RELL1: variants seen among roughly 807,000 people sequenced by gnomAD.
The protein encoded by RELL1 is RELT like 1.
RELL1 carries 10 observed loss-of-function variants against 23.0 expected under a neutral mutation model. The observed-to-expected ratio is 0.43, with a 90% confidence interval of 0.27 to 0.74. The LOEUF is 0.74. Among genes scored for constraint, RELL1 ranks in the 30% least tolerant of loss-of-function variants. RELL1 has a pLI of 0.19. For missense variants in RELL1, 315 were observed against 364.4 expected (o/e 0.86, Z 1.10); for synonymous variants, 146 against 146.8 (o/e 0.99, Z 0.04).
At chr4:37,622,798 G>A in intron 6 of RELL1, 2 of 418,316 alleles carry the variant, frequency 4.8e-6, no homozygotes, top group East Asian at 1.4e-4. Context: ...CTCAAGTAAT[G>A]CTTTTTTTTT....
chr4:37,611,055 T>C lies in RELL1; in HGVS notation c.*2291A>G, dbSNP rs769853096. Among the ~76,000 whole-genome samples the C allele has an allele frequency of 2.0e-5, 3 of 152,200 alleles. No homozygotes were observed. Among genetic ancestry groups the C allele is most frequent in the Non-Finnish European group, 2.9e-5 (2 of 68,040 alleles). On this transcript the variant is annotated 3_prime_UTR_variant, in exon 7 of 7. Transcript: ENST00000454158. Reference sequence around the variant, plus strand: ...ATTTAAAACATACTCTTGGTATCAATACAGTTTTAAATATTTTTGAGTATT... The same window carrying C: ...ATTTAAAACATACTCTTGGTATCAACACAGTTTTAAATATTTTTGAGTATT...
At chr4:37,618,043 T>G (rs1422850755) in intron 6 of RELL1, among the ~76,000 whole-genome samples, 4 of 152,174 alleles carry the variant, frequency 2.6e-5, no homozygotes, top group Non-Finnish European at 5.9e-5. Context: ...CTGAAGGAGC[T>G]TAGTGTATGC....
At chr4:37,683,206 A>T (rs1290083136) in intron 1 of RELL1, among the ~76,000 whole-genome samples, 1 of 152,216 alleles carries the variant, frequency 6.6e-6, no homozygotes. Flanking sequence ...AGGTTGACTC[A>T]TATTCTATTT....
chr4:37,601,536 G>A (rs1194621308), intron 6 of RELL1, among the ~76,000 whole-genome samples: 2 of 152,204 alleles, frequency 1.3e-5, no homozygotes, highest in Non-Finnish European at 2.9e-5. Flanking sequence ...CTCTTATCGG[G>A]AGCTGTAAGA....
At chr4:37,671,890 C>T (rs557736730) in intron 1 of RELL1, among the ~76,000 whole-genome samples, 114 of 152,058 alleles carry the variant, frequency 7.5e-4, no homozygotes, top group African/African-American at 2.5e-3. Context: ...CAATGACTCA[C>T]AGAATTCAGA....
chr4:37,596,406 G>A (rs1201314073), intron 6 of RELL1, among the ~76,000 whole-genome samples: 5 of 150,406 alleles, frequency 3.3e-5, no homozygotes, highest in East Asian at 2.0e-4. Flanking sequence ...GTAATTCTCC[G>A]CACTTGGAGA....
At chr4:37,686,135 G>T in intron 1 of RELL1, 65 bp downstream of exon 1, 2 of 1,396,882 alleles carry the variant, frequency 1.4e-6, no homozygotes, top group South Asian at 1.2e-5. Flanking sequence ...CCGACCCCTC[G>T]CTTCCTTCCG....
Position 37,611,099 on chromosome 4 carries a change from C to CTAT in RELL1, c.*2244_*2246dup, listed in dbSNP as rs1719360609. Among the ~76,000 whole-genome samples the CTAT allele has an allele frequency of 6.7e-6, 1 of 149,236 alleles. No homozygotes were observed. The highest frequency in any genetic ancestry group is 1.5e-5 in the Non-Finnish European group (1 of 67,122). ...GAGTATTCTCTTGCCTGTTGTATTGCTATTTAAAAAAAAGTGCTCTGACTT... is the reference window on the plus strand; with the variant it reads ...GAGTATTCTCTTGCCTGTTGTATTGCTATTATTTAAAAAAAAGTGCTCTGACTT... On this transcript the variant is annotated 3_prime_UTR_variant, in exon 7 of 7. Coordinates refer to ENST00000454158, the MANE Select transcript of RELL1 (RefSeq NM_001085400.2).
At chr4:37,645,289 G>T (rs919210699) in intron 3 of RELL1, among the ~76,000 whole-genome samples, 6 of 152,058 alleles carry the variant, frequency 3.9e-5, no homozygotes, top group African/African-American at 1.2e-4. Context: ...AAGGCACAGA[G>T]GCAGTGAGGC....
At chr4:37,668,877 G>C (rs950500139) in intron 1 of RELL1, among the ~76,000 whole-genome samples, 1 of 151,102 alleles carries the variant, frequency 6.6e-6, no homozygotes, top group African/African-American at 2.5e-5. Context: ...CGCCTCGTCC[G>C]GGATGTGAGG....
At chr4:37,653,097 T>C (rs1721006431) in intron 1 of RELL1, among the ~76,000 whole-genome samples, 1 of 152,176 alleles carries the variant, frequency 6.6e-6, no homozygotes, top group Non-Finnish European at 1.5e-5. Context: ...AAAATTAAAC[T>C]GAAAGCTGAG....
At position 37,649,363 on chromosome 4, in the gene RELL1, G is replaced by A. The variant is rs748456415; in HGVS notation, c.226C>T (p.Leu76Phe). The A allele has an allele frequency of 6.1e-5, 99 of 1,614,110 alleles. No homozygotes were observed. Among genetic ancestry groups the A allele is most frequent in the Non-Finnish European group, 8.2e-5 (97 of 1,180,054 alleles). ...VFFIMGLFGV[L>F]ICHLLKKKGY... ...TTCTTCTTAAGCAGGTGGCAAATGAGGACGCCAAAGAGACCCATGATAAAG... is the reference window on the plus strand; with the variant it reads ...TTCTTCTTAAGCAGGTGGCAAATGAAGACGCCAAAGAGACCCATGATAAAG... The change falls in exon 2 of 7, where the codon CTC (leucine) becomes TTC (phenylalanine). Residue 76 changes from leucine (L) to phenylalanine (F), a missense_variant. Leu to Phe is a conservative substitution (Grantham distance 22). Transcript: ENST00000454158.
chr4:37,645,729 G>A (rs1335174345), intron 3 of RELL1, among the ~76,000 whole-genome samples: 1 of 152,180 alleles, frequency 6.6e-6, no homozygotes, highest in African/African-American at 2.4e-5. Flanking sequence ...GGGTGTAACT[G>A]AACTAACTTT....
At chr4:37,668,073 TAA>T (rs1372805869) in intron 1 of RELL1, among the ~76,000 whole-genome samples, 11 of 148,460 alleles carry the variant, frequency 7.4e-5, no homozygotes, top group East Asian at 5.8e-4. Context: ...GGTAAGATTA[TAA>T]GTCATTTTTT....
intron 1 of RELL1, among the ~76,000 whole-genome samples, chr4:37,652,858 G>T (rs17577718): frequency 0.051 from 7,729 of 152,188 alleles, 402 homozygotes; most frequent in East Asian, 0.15. Context: ...TACAGGGAGA[G>T]GCAATATAGC....
chr4:37,669,568 A>G (rs1237380492), intron 1 of RELL1, among the ~76,000 whole-genome samples: 1 of 152,120 alleles, frequency 6.6e-6, no homozygotes, highest in Admixed American at 6.5e-5. Flanking sequence ...CATGATGACA[A>G]TGGCAGTTTT....
chr4:37,669,376 G>C (rs556118897), intron 1 of RELL1, among the ~76,000 whole-genome samples: 4 of 128,292 alleles, frequency 3.1e-5, no homozygotes, highest in Middle Eastern at 5.6e-3. Context: ...GTCAGTCCCC[G>C]GCCCGGCCAG....
At chr4:37,625,728 T>C (rs993628604) in intron 6 of RELL1, among the ~76,000 whole-genome samples, 1 of 152,204 alleles carries the variant, frequency 6.6e-6, no homozygotes, top group African/African-American at 2.4e-5. Context: ...ATGTATTGTA[T>C]TCTTGAAAAA....
Position 37,686,275 on chromosome 4 carries a change from C to A in RELL1, c.13G>T (p.Ala5Ser). The A allele has an allele frequency of 6.5e-7, 1 of 1,536,326 alleles. No homozygotes were observed. The highest frequency in any genetic ancestry group is 8.7e-7 in the Non-Finnish European group (1 of 1,149,804). Residue 5 changes from alanine to serine, a missense_variant, in exon 1 of 7, where the codon GCA becomes TCA. Physicochemically the swap from Ala to Ser is moderately conservative, Grantham distance 99. Coordinates refer to ENST00000454158, the MANE Select transcript of RELL1 (RefSeq NM_001085400.2). Reference sequence around the variant, plus strand: ...GCTAGGACGGCGGACCCCGGGAGTGCCCGCGGAGCCATCGCCGCGTCGCTT... The same window carrying A: ...GCTAGGACGGCGGACCCCGGGAGTGACCGCGGAGCCATCGCCGCGTCGCTT... Reference protein sequence around the residue: MAPRALPGSAVLAAA... With the variant: MAPRSLPGSAVLAAA...
Sources: allele counts gnomAD v4.1 joint callset (sites outside exome capture counted in the v4.1 genomes callset), GRCh38; gene constraint gnomAD v4.1.1; transcripts MANE v1.5; gene names NCBI Gene and HGNC (gene_info 2026-07-23, HGNC 2026-07-21).